Variants in SCTR observed in about 807,000 individuals in gnomAD.
SCTR encodes the protein secretin receptor, also known as pancreatic secretin receptor.
A neutral mutation model predicts 60.8 loss-of-function variants in SCTR; 56 were observed. The ratio of observed to expected loss-of-function variants is 0.92; its 90% CI spans 0.74 to 1.15. SCTR has a LOEUF of 1.15. Ranked by LOEUF, SCTR falls within the 50% of genes most tolerant of loss-of-function variation. SCTR has a pLI of 0.00. For missense variants in SCTR, 562 were observed against 550.4 expected, an observed-to-expected ratio of 1.02 and a Z score of -0.21; for synonymous variants, 202 against 217.0, an observed-to-expected ratio of 0.93 and a Z score of 0.61.
At chr2:119,462,786 G>A (rs781626642) in intron 6 of SCTR, among the ~76,000 whole-genome samples, 2 of 152,228 alleles carry the variant, frequency 1.3e-5, no homozygotes, top group East Asian at 1.9e-4. Context: ...GGAGCGCCCG[G>A]TGCTGCCTGG....
rs369041828 is a variant in SCTR at position 119,462,030 on chromosome 2, C to A, written c.637-30G>T. ...AGAGAGAGAGGCAGCTGAACCCAGG[C>A]CGGGTGGCAGTGGGGTTCCCTCTGG... On this transcript the variant is annotated intron_variant, in intron 6 of 12. Coordinates refer to ENST00000019103, the MANE Select transcript of SCTR (RefSeq NM_002980.3). 15 of 1,577,154 alleles carry A rather than the reference C, an allele frequency of 9.5e-6. No homozygotes were observed. The African/African-American group carries it at 1.2e-4, about 13-fold the overall frequency.
At chr2:119,509,738 C>T (rs1169439915) in intron 1 of SCTR, among the ~76,000 whole-genome samples, 2 of 152,088 alleles carry the variant, frequency 1.3e-5, no homozygotes, top group Non-Finnish European at 2.9e-5. Flanking sequence ...CAATGTTGTG[C>T]AACCATCCCC....
intron 7 of SCTR, among the ~76,000 whole-genome samples, chr2:119,455,308 C>T (rs924327435): frequency 3.9e-5 from 6 of 152,220 alleles, no homozygotes; most frequent in South Asian, 2.1e-4. Flanking sequence ...TCCAGTGTCC[C>T]TTGAGAGACA....
intron 1 of SCTR, among the ~76,000 whole-genome samples, chr2:119,519,673 G>A (rs1679225136): frequency 2.6e-5 from 4 of 151,852 alleles, no homozygotes; most frequent in Admixed American, 2.6e-4. Context: ...AGACATTGTG[G>A]TGCATGCCTG....
intron 4 of SCTR, among the ~76,000 whole-genome samples, chr2:119,469,582 C>A (rs1193818525): frequency 6.6e-6 from 1 of 152,154 alleles, no homozygotes; most frequent in Admixed American, 6.5e-5. Flanking sequence ...CCTCAACCTC[C>A]CAGGCTCAAG....
At chr2:119,460,408 G>A (rs1683554991) in intron 7 of SCTR, among the ~76,000 whole-genome samples, 1 of 149,716 alleles carries the variant, frequency 6.7e-6, no homozygotes, top group African/African-American at 2.5e-5. Context: ...GGATGGATGA[G>A]TGGGTGGATG....
intron 2 of SCTR, among the ~76,000 whole-genome samples, chr2:119,490,231 CTG>C (rs1678060894): frequency 1.3e-5 from 2 of 152,232 alleles, no homozygotes; most frequent in Non-Finnish European, 2.9e-5. Context: ...AAGGCTCAAA[CTG>C]TGGGAGAGAT....
intron 2 of SCTR, chr2:119,487,014 C>T (rs892856176): frequency 2.0e-5 from 3 of 152,154 alleles, no homozygotes; most frequent in Non-Finnish European, 4.4e-5. Flanking sequence ...GTGGATGAAC[C>T]TCAAGAACAT....
At chr2:119,502,144 T>C (rs538086224) in intron 1 of SCTR, among the ~76,000 whole-genome samples, 18 of 152,136 alleles carry the variant, frequency 1.2e-4, no homozygotes, top group South Asian at 4.2e-4. Flanking sequence ...TAGTCCCAGA[T>C]ACTTGGAAGG....
chr2:119,456,619 G>T (rs1270061135), intron 7 of SCTR, among the ~76,000 whole-genome samples: 1 of 152,122 alleles, frequency 6.6e-6, no homozygotes, highest in Non-Finnish European at 1.5e-5. Flanking sequence ...AAGCAAGAAG[G>T]CAGAAAGCTC....
intron 1 of SCTR, among the ~76,000 whole-genome samples, chr2:119,501,008 A>AT (rs1678525775): frequency 6.6e-6 from 1 of 152,180 alleles, no homozygotes; most frequent in South Asian, 2.1e-4. Flanking sequence ...ATATATATCT[A>AT]AATGTGTCAA....
intron 3 of SCTR, 75 bp from the exon 4 acceptor site, chr2:119,473,631 C>T: frequency 1.1e-6 from 1 of 931,780 alleles, no homozygotes; most frequent in Admixed American, 1.8e-5. Context: ...TCTATTGTAA[C>T]ATGTAGCTGC....
intron 2 of SCTR, among the ~76,000 whole-genome samples, chr2:119,492,832 ATATTTATT>A (rs71788049): frequency 0.66 from 97,377 of 147,094 alleles, 34,456 homozygotes; most frequent in Non-Finnish European, 0.78. Context: ...TACTTTTTTA[ATATTTATT>A]TATTTATTTA....
chr2:119,513,344 C>T (rs1045217372), intron 1 of SCTR, among the ~76,000 whole-genome samples: 1 of 152,116 alleles, frequency 6.6e-6, no homozygotes, highest in African/African-American at 2.4e-5. Context: ...TTTCCAGAGA[C>T]AGAGCAGATA....
intron 9 of SCTR, among the ~76,000 whole-genome samples, chr2:119,449,798 G>A (rs567334609): frequency 3.9e-5 from 6 of 152,230 alleles, no homozygotes; most frequent in South Asian, 2.1e-4. Flanking sequence ...ACTGCTTTTC[G>A]GGGAACCCTG....
At chr2:119,444,544 CAT>C (rs1239790741) in intron 11 of SCTR, among the ~76,000 whole-genome samples, 1 of 27,082 alleles carries the variant, frequency 3.7e-5, no homozygotes, top group Admixed American at 2.8e-4. Context: ...TATATATACA[CAT>C]ATATACGTAC....
intron 2 of SCTR, among the ~76,000 whole-genome samples, chr2:119,483,341 G>C (rs963332764): frequency 6.6e-6 from 1 of 152,248 alleles, no homozygotes; most frequent in East Asian, 1.9e-4. Context: ...AGTGAGAAGT[G>C]TGGGTGACAG....
intron 7 of SCTR, among the ~76,000 whole-genome samples, chr2:119,461,483 G>A (rs10182911): frequency 0.16 from 24,839 of 152,140 alleles, 2,177 homozygotes; most frequent in East Asian, 0.3. Context: ...AGGCCGAGGC[G>A]GGCGGATCAC....
intron 9 of SCTR, among the ~76,000 whole-genome samples, chr2:119,449,510 A>C (rs1470876531): frequency 6.6e-6 from 1 of 152,162 alleles, no homozygotes; most frequent in East Asian, 1.9e-4. Context: ...TTATCTGCCA[A>C]TTCAATTGTA....
Sources: gnomAD v4.1 joint callset for allele counts (sites outside exome capture counted in the v4.1 genomes callset) on GRCh38, gnomAD v4.1.1 for gene constraint, MANE v1.5 for transcripts, NCBI Gene and HGNC (gene_info 2026-07-23, HGNC 2026-07-21) for gene names.